The following CBFB variants were observed in gnomAD, a reference collection of about 807,000 sequenced individuals.
The protein encoded by CBFB is core-binding factor subunit beta, also known as CBF-beta.
CBFB carries 9 observed loss-of-function variants against 30.4 expected under a neutral mutation model. The ratio of observed to expected loss-of-function variants is 0.30; its 90% CI spans 0.18 to 0.52. CBFB has a LOEUF of 0.52. Ranked by LOEUF, CBFB falls within the 20% of genes least tolerant of loss-of-function variation. CBFB has a pLI of 0.97. For missense variants in CBFB, 170 were observed against 244.0 expected (o/e 0.70, Z 2.02); for synonymous variants, 94 against 84.0 (o/e 1.12, Z -0.65).
intron 5 of CBFB, among the ~76,000 whole-genome samples, chr16:67,083,210 C>A (rs1961621160): frequency 6.6e-6 from 1 of 151,998 alleles, no homozygotes; most frequent in African/African-American, 2.4e-5. Flanking sequence ...ATAAATAAAC[C>A]TTTGACAGCT....
chr16:67,066,961 G>T, intron 4 of CBFB, 163 bp downstream of exon 4: 1 of 459,536 alleles, frequency 2.2e-6, no homozygotes, highest in South Asian at 2.9e-5. Context: ...TTCTGATCCT[G>T]ATTTTGGGAA....
chr16:67,068,256 A>T (rs1048256420), intron 4 of CBFB, among the ~76,000 whole-genome samples: 2 of 152,194 alleles, frequency 1.3e-5, no homozygotes, highest in African/African-American at 4.8e-5. Context: ...AGATGGCAGG[A>T]TCACATGAGC....
chr16:67,059,178 A>G (rs981145292), intron 3 of CBFB, among the ~76,000 whole-genome samples: 4 of 152,226 alleles, frequency 2.6e-5, no homozygotes, highest in Admixed American at 1.3e-4. Context: ...CCAAATTTAG[A>G]TATTCATAGA....
At chr16:67,090,459 T>G (rs372989058) in intron 5 of CBFB, among the ~76,000 whole-genome samples, 3 of 152,198 alleles carry the variant, frequency 2.0e-5, no homozygotes, top group African/African-American at 7.2e-5. Flanking sequence ...TTGGGGTATA[T>G]ATGTCTATAA....
In CBFB at chr16:67,055,357, C is replaced by CTTTTTTTTTTTTTTTTTTT. The variant is rs1163773529; in HGVS notation, c.283-11316_283-11298dup. 5.5e-4 allele frequency among the ~76,000 whole-genome samples: 45 copies of CTTTTTTTTTTTTTTTTTTT among 81,466 alleles called. 3 individuals are homozygous for CTTTTTTTTTTTTTTTTTTT. Among genetic ancestry groups the CTTTTTTTTTTTTTTTTTTT allele is most frequent in the South Asian group, 8.8e-4 (2 of 2,280 alleles). The allele number at this position is 81,466 out of a possible 152,430, so 53.4% of individuals were successfully genotyped here. Reference sequence around the variant, plus strand: ...AAATCTATTGAATTCCAGACACTTTCTTTTTTTTTTTTTTTTTTTTTTTTT... The same window carrying CTTTTTTTTTTTTTTTTTTT: ...AAATCTATTGAATTCCAGACACTTTCTTTTTTTTTTTTTTTTTTTTTTTTTTTTTTTTTTTTTTTTTTTT... On this transcript the variant is annotated intron_variant, in intron 3 of 5. Transcript: ENST00000412916.
intron 5 of CBFB, among the ~76,000 whole-genome samples, chr16:67,087,565 C>G (rs1018553416): frequency 4.6e-5 from 7 of 152,034 alleles, no homozygotes; most frequent in Non-Finnish European, 7.4e-5. Flanking sequence ...CCTGACCCCA[C>G]AAAAAGAAAT....
In CBFB at chr16:67,093,989, A is replaced by T. The variant is rs528755628; in HGVS notation, c.496-4721A>T. 2.6e-5 allele frequency among the ~76,000 whole-genome samples: 4 copies of T among 152,282 alleles called. No homozygotes were observed. The East Asian group carries it at 7.7e-4, about 29-fold the overall frequency. ...CTATGGAAGCTATTTTACTGAACCT[A>T]AATCTGTTTCTGTATTTGTTTCCTT... On this transcript the variant is annotated intron_variant, in intron 5 of 5. Coordinates refer to ENST00000412916, the MANE Select transcript of CBFB (RefSeq NM_022845.3).
intron 5 of CBFB, among the ~76,000 whole-genome samples, chr16:67,094,308 C>T (rs986936655): frequency 5.3e-5 from 8 of 152,016 alleles, no homozygotes; most frequent in African/African-American, 1.7e-4. Context: ...TCTTTCCTTA[C>T]ATCTTCCTCA....
intron 2 of CBFB, among the ~76,000 whole-genome samples, chr16:67,031,609 A>AAAGCC (rs940542355): frequency 6.6e-6 from 1 of 152,122 alleles, no homozygotes; most frequent in African/African-American, 2.4e-5. Context: ...CTCCTGGGTT[A>AAAGCC]AAGCGATTCT....
At position 67,098,967 on chromosome 16, in the gene CBFB, A is replaced by G; in HGVS notation, c.*189A>G. On this transcript the variant is annotated 3_prime_UTR_variant, in exon 6 of 6. Coordinates refer to ENST00000412916, the MANE Select transcript of CBFB (RefSeq NM_022845.3). ...CTATGATTATAATACCTGCATTTCT[A>G]ATTTTTTAAGCATGTAGCCAGTAAT... The G allele has an allele frequency of 4.5e-6, 2 of 448,246 alleles. No homozygotes were observed. Among genetic ancestry groups the G allele is most frequent in the South Asian group, 5.4e-5 (1 of 18,650 alleles). The allele number at this position is 448,246 out of a possible 1,614,324, so 27.8% of individuals were successfully genotyped here.
intron 3 of CBFB, among the ~76,000 whole-genome samples, chr16:67,057,666 T>A (rs1047958672): frequency 2.6e-5 from 4 of 152,166 alleles, no homozygotes; most frequent in Admixed American, 2.6e-4. Flanking sequence ...GTTAGTGAAC[T>A]TTTTTTCATA....
chr16:67,062,998 T>G (rs1960953922), intron 3 of CBFB, among the ~76,000 whole-genome samples: 1 of 152,100 alleles, frequency 6.6e-6, no homozygotes, highest in South Asian at 2.1e-4. Context: ...TGCATGCTAC[T>G]CCGTCCACCT....
At chr16:67,037,666 ATT>A (rs35804914) in intron 3 of CBFB, among the ~76,000 whole-genome samples, 57 of 129,208 alleles carry the variant, frequency 4.4e-4, no homozygotes, top group African/African-American at 6.5e-4. Context: ...GATTTTGGTA[ATT>A]TTTTTTTTTT....
At chr16:67,030,106 A>C in intron 2 of CBFB, 7 of 337,104 alleles carry the variant, frequency 2.1e-5, no homozygotes, top group East Asian at 6.0e-5. Flanking sequence ...AGGCGGCGAC[A>C]CCGAAGAAGG....
At chr16:67,065,619 C>CCT (rs1961029077) in intron 3 of CBFB, among the ~76,000 whole-genome samples, 1 of 152,108 alleles carries the variant, frequency 6.6e-6, no homozygotes, top group Non-Finnish European at 1.5e-5. Flanking sequence ...CTCAAATGAT[C>CCT]CTCACACCTT....
At position 67,099,176 on chromosome 16, in the gene CBFB, T is replaced by G. The variant is rs1413353188; in HGVS notation, c.*398T>G. On this transcript the variant is annotated 3_prime_UTR_variant, in exon 6 of 6. Coordinates refer to ENST00000412916, the MANE Select transcript of CBFB (RefSeq NM_022845.3). ...TAATCATTTTTTCTATTTTTTTTTT[T>G]GTACTTCTAGATGTTTTGGTTATAC... is the stretch of plus-strand genomic sequence containing the variant. 1 of 239,490 alleles carries G rather than the reference T, an allele frequency of 4.2e-6. No homozygotes were observed. The highest frequency in any genetic ancestry group is 2.2e-5 in the African/African-American group (1 of 45,620). 14.8% of individuals were successfully genotyped at this position (239,490 alleles called of 1,614,324 possible). A position where few individuals can be genotyped will look rare whatever the true frequency, so the allele number is the denominator to read the frequency against.
intron 2 of CBFB, among the ~76,000 whole-genome samples, chr16:67,031,891 A>G (rs781679202): frequency 4.0e-4 from 61 of 151,902 alleles, no homozygotes; most frequent in Admixed American, 2.4e-3. Context: ...CACAGGCACA[A>G]TCATGAGGCA....
In CBFB at chr16:67,098,902, T is replaced by G; in HGVS notation, c.*124T>G. On this transcript the variant is annotated 3_prime_UTR_variant, in exon 6 of 6. Coordinates refer to ENST00000412916, the MANE Select transcript of CBFB (RefSeq NM_022845.3). Reference sequence around the variant, plus strand: ...AGGTACTACGGTCTATTTCTCAACCTTAGGCAGTAATAGACATCACAAACT... The same window carrying G: ...AGGTACTACGGTCTATTTCTCAACCGTAGGCAGTAATAGACATCACAAACT... 1 of 666,898 alleles carries G rather than the reference T, an allele frequency of 1.5e-6. No individual in the cohort carries two copies. Among genetic ancestry groups the G allele is most frequent in the Non-Finnish European group, 2.7e-6 (1 of 369,264 alleles). 41.3% of individuals were successfully genotyped at this position (666,898 alleles called of 1,614,324 possible).
chr16:67,048,140 G>C (rs1597131217), intron 3 of CBFB, among the ~76,000 whole-genome samples: 1 of 152,224 alleles, frequency 6.6e-6, no homozygotes, highest in South Asian at 2.1e-4. Flanking sequence ...CTTGAGAGAG[G>C]CTGGGGTGGG....
Sources: gnomAD v4.1 joint callset for allele counts (sites outside exome capture counted in the v4.1 genomes callset) on GRCh38, gnomAD v4.1.1 for gene constraint, MANE v1.5 for transcripts, NCBI Gene and HGNC (gene_info 2026-07-23, HGNC 2026-07-21) for gene names.